Variants in ARHGAP20 observed in about 807,000 individuals in gnomAD.
The protein encoded by ARHGAP20 is Rho GTPase activating protein 20, also known as rho GTPase-activating protein 20.
In ARHGAP20, 34 loss-of-function variants were observed where a neutral mutation model predicts 73.7. The observed-to-expected ratio is 0.46, with a 90% CI of 0.35 to 0.61. ARHGAP20 has a LOEUF of 0.61. Among genes scored for constraint, ARHGAP20 ranks in the 20% least tolerant of loss-of-function variants. The probability of loss-of-function intolerance (pLI) is 0.00; values close to 1 mark genes in which losing one functional copy is unlikely to be tolerated. For missense variants in ARHGAP20, 1,314 were observed against 1,420.9 expected (o/e 0.92, Z 1.21); for synonymous variants, 523 against 518.2 (o/e 1.01, Z -0.13).
At chr11:110,679,264 T>G (rs2135089064) in intron 2 of ARHGAP20, among the ~76,000 whole-genome samples, 1 of 152,344 alleles carries the variant, frequency 6.6e-6, no homozygotes, top group South Asian at 2.1e-4. Flanking sequence ...CTCCACCTTT[T>G]GTAACCTAAT....
At chr11:110,638,458 C>T (rs1048595141) in intron 2 of ARHGAP20, among the ~76,000 whole-genome samples, 1 of 151,916 alleles carries the variant, frequency 6.6e-6, no homozygotes, top group African/African-American at 2.4e-5. Context: ...GTGAGTGAGA[C>T]CATTAGGAAG....
At chr11:110,598,165 T>C (rs1948017896) in intron 9 of ARHGAP20, among the ~76,000 whole-genome samples, 3 of 122,892 alleles carry the variant, frequency 2.4e-5, no homozygotes, top group Non-Finnish European at 1.6e-5. Context: ...ATTAAGAATA[T>C]CCCCACCTTT....
intron 9 of ARHGAP20, among the ~76,000 whole-genome samples, chr11:110,605,516 G>A (rs17111499): frequency 0.012 from 1,799 of 151,984 alleles, 28 homozygotes; most frequent in African/African-American, 0.034. Flanking sequence ...AACACTTAAG[G>A]CAAAAAAAAC....
chr11:110,702,596 G>A (rs1457686989), intron 1 of ARHGAP20, among the ~76,000 whole-genome samples: 3 of 152,114 alleles, frequency 2.0e-5, no homozygotes, highest in Non-Finnish European at 2.9e-5. Flanking sequence ...AAGTCAAATT[G>A]TCCCTGTTTG....
chr11:110,682,975 C>T (rs1687806366), intron 2 of ARHGAP20, among the ~76,000 whole-genome samples: 1 of 148,764 alleles, frequency 6.7e-6, no homozygotes, highest in Non-Finnish European at 1.5e-5. Flanking sequence ...CTGGTGTTGT[C>T]TGTCCCTCCT....
chr11:110,702,210 G>A (rs1170306426), intron 1 of ARHGAP20, among the ~76,000 whole-genome samples: 1 of 152,028 alleles, frequency 6.6e-6, no homozygotes, highest in African/African-American at 2.4e-5. Context: ...CTTCATCCCT[G>A]GGATGCAAGG....
At chr11:110,637,831 G>A (rs148532084) in intron 2 of ARHGAP20, among the ~76,000 whole-genome samples, 2 of 152,234 alleles carry the variant, frequency 1.3e-5, no homozygotes, top group Admixed American at 1.3e-4. Context: ...AAGTCTAAAG[G>A]ATGAACAGAG....
chr11:110,595,606 C>A (rs987901219), intron 9 of ARHGAP20, among the ~76,000 whole-genome samples: 330 of 152,178 alleles, frequency 2.2e-3, no homozygotes, highest in African/African-American at 7.0e-3. Flanking sequence ...GGACCTCTTC[C>A]AGGAGAACTA....
chr11:110,677,506 G>A (rs1055510645), intron 2 of ARHGAP20, among the ~76,000 whole-genome samples: 1 of 151,908 alleles, frequency 6.6e-6, no homozygotes, highest in African/African-American at 2.4e-5. Context: ...TTAGCCAGGT[G>A]TGGTGGTATG....
intron 4 of ARHGAP20, among the ~76,000 whole-genome samples, chr11:110,618,556 AGTATATGTAGTGATAGT>A (rs1948537891): frequency 2.6e-5 from 4 of 152,130 alleles, no homozygotes; most frequent in East Asian, 1.9e-4. Context: ...GTAGTGATAG[AGTATATGTAGTGATAGT>A]GTATATGTAG....
chr11:110,619,399 T>C (rs1346914293), intron 4 of ARHGAP20, among the ~76,000 whole-genome samples: 6 of 151,704 alleles, frequency 4.0e-5, no homozygotes, highest in African/African-American at 1.5e-4. Context: ...ATAGAGTATA[T>C]GCAGTGATAG....
rs553448068 is a variant in ARHGAP20 at position 110,702,337 on chromosome 11, C to G, written c.105+9790G>C. On this transcript the variant is annotated intron_variant, in intron 1 of 14. Transcript: ENST00000683387. ...AAGGCCTTTGACAAAATTCAACAACCCTTCATGCTAAAAACTCTCAATAAA... is the reference window on the plus strand; with the variant it reads ...AAGGCCTTTGACAAAATTCAACAACGCTTCATGCTAAAAACTCTCAATAAA... Among the ~76,000 whole-genome samples the G allele has an allele frequency of 1.1e-3, 164 of 152,152 alleles. 2 individuals are homozygous for G. Among genetic ancestry groups the G allele is most frequent in the Non-Finnish European group, 7.1e-4 (48 of 67,988 alleles).
At chr11:110,661,887 T>C (rs1949621150) in intron 2 of ARHGAP20, among the ~76,000 whole-genome samples, 1 of 151,634 alleles carries the variant, frequency 6.6e-6, no homozygotes, top group Non-Finnish European at 1.5e-5. Flanking sequence ...GTAGAAAAAA[T>C]ACAAAAGATA....
intron 1 of ARHGAP20, among the ~76,000 whole-genome samples, chr11:110,696,052 G>GA (rs1950329523): frequency 6.6e-6 from 1 of 151,440 alleles, no homozygotes; most frequent in Non-Finnish European, 1.5e-5. Context: ...TAAACTAATT[G>GA]AAAGAAACCA....
chr11:110,694,920 A>G (rs1453629274), intron 1 of ARHGAP20, among the ~76,000 whole-genome samples: 1 of 151,714 alleles, frequency 6.6e-6, no homozygotes, highest in East Asian at 1.9e-4. Flanking sequence ...ATGAAAACAA[A>G]CAAACCTTTA....
At chr11:110,702,131 C>A (rs2135144945) in intron 1 of ARHGAP20, among the ~76,000 whole-genome samples, 1 of 152,108 alleles carries the variant, frequency 6.6e-6, no homozygotes, top group African/African-American at 2.4e-5. Context: ...ATGCAAAAAT[C>A]CTCAATAAAA....
chr11:110,591,921 G>A, intron 10 of ARHGAP20, 56 bp downstream of exon 10: 6 of 1,561,756 alleles, frequency 3.8e-6, no homozygotes, highest in Non-Finnish European at 5.3e-6. Flanking sequence ...ACCTCGCAGA[G>A]CTCTCCTTTC....
chr11:110,640,550 T>C (rs982534677), intron 2 of ARHGAP20, among the ~76,000 whole-genome samples: 4 of 152,018 alleles, frequency 2.6e-5, no homozygotes, highest in African/African-American at 7.2e-5. Context: ...TATGACTATA[T>C]TGAACATCTA....
At chr11:110,665,242 T>C (rs1949700660) in intron 2 of ARHGAP20, among the ~76,000 whole-genome samples, 1 of 152,066 alleles carries the variant, frequency 6.6e-6, no homozygotes, top group Admixed American at 6.6e-5. Context: ...TTTAGACATA[T>C]TAGAAAACAC....
Sources: gnomAD v4.1 joint callset for allele counts (sites outside exome capture counted in the v4.1 genomes callset) on GRCh38, gnomAD v4.1.1 for gene constraint, MANE v1.5 for transcripts, NCBI Gene and HGNC (gene_info 2026-07-23, HGNC 2026-07-21) for gene names.